Variants in CFAP61 observed in about 807,000 individuals in gnomAD.
CFAP61 encodes cilia- and flagella-associated protein 61.
In CFAP61, 107 loss-of-function variants were observed where a neutral mutation model predicts 135.6. The observed-to-expected ratio is 0.79, with a 90% confidence interval of 0.67 to 0.93. The LOEUF (loss-of-function observed/expected upper bound fraction) is 0.93, where lower values mean the gene tolerates loss of function less well. Among genes scored for constraint, CFAP61 ranks in the 40% least tolerant of loss-of-function variants. CFAP61 has a pLI of 0.00. For synonymous variants in CFAP61, 575 were observed against 578.5 expected (o/e 0.99, Z 0.09); for missense variants, 1,507 against 1,556.2 (o/e 0.97, Z 0.53).
rs774778588 is a variant in CFAP61 at position 20,277,298 on chromosome 20, A to G, written c.2636A>G (p.Asn879Ser). 5 of 1,614,038 alleles carry G rather than the reference A, an allele frequency of 3.1e-6. No individual in the cohort carries two copies. The highest frequency in any genetic ancestry group is 4.2e-6 in the Non-Finnish European group (5 of 1,180,000). The stretch of plus-strand genomic sequence containing the variant: ...GCCTCCACCATCACCTGCATCAACA[A>G]CTACTCGGTGGAGAGCGCCGTGGCG... ...PPASTITCIN[N>S]YSVESAVADA... The change falls in exon 22 of 27, where the codon AAC (asparagine) becomes AGC (serine). Residue 879 changes from asparagine to serine, a missense_variant. By Grantham distance (46) the Asn-to-Ser change is conservative (BLOSUM62 1). Transcript: ENST00000245957.
In CFAP61 at chr20:20,090,935, A is replaced by G; in HGVS notation, c.658A>G (p.Ile220Val). ...CGGTGAATACTTCCTGGCCGAACTA[A>G]TAGAGGCCCAAGATGAAGAGAATCA... ...TYGEYFLAEL[I>V]EAQDEENHAV... The change falls in exon 7 of 27, where the codon ATA becomes GTA. Residue 220 changes from isoleucine (I) to valine (V), a missense_variant. Ile to Val is a conservative substitution (Grantham distance 29). Transcript: ENST00000245957. 3 of 1,614,170 alleles carry G rather than the reference A, an allele frequency of 1.9e-6. No individual in the cohort carries two copies. Among genetic ancestry groups the G allele is most frequent in the Non-Finnish European group, 1.7e-6 (2 of 1,180,008 alleles).
chr20:20,338,093 G>T (rs1170302799), intron 25 of CFAP61, among the ~76,000 whole-genome samples: 2 of 152,170 alleles, frequency 1.3e-5, no homozygotes, highest in Admixed American at 1.3e-4. Context: ...TGCCTTCTGT[G>T]TATTGAATGG....
rs552957257 is a variant in CFAP61 at position 20,056,548 on chromosome 20, A to G, written c.-36-70A>G. On this transcript the variant is annotated intron_variant, in intron 1 of 26. Coordinates refer to ENST00000245957, the MANE Select transcript of CFAP61 (RefSeq NM_015585.4). ...CTCACACCATGTTCACTCTGACCAC[A>G]TGGAAATTGAATTAGTGTTCAGTTT... 2.2e-5 allele frequency: 24 copies of G among 1,068,860 alleles called. No homozygotes were observed. In the South Asian group the frequency reaches 2.5e-4, roughly 11 times the overall value. The allele number at this position is 1,068,860 out of a possible 1,614,324, so 66.2% of individuals were successfully genotyped here.
At chr20:20,055,159 A>G (rs1405483452) in intron 1 of CFAP61, among the ~76,000 whole-genome samples, 1 of 152,196 alleles carries the variant, frequency 6.6e-6, no homozygotes, top group African/African-American at 2.4e-5. Flanking sequence ...TTTTTTAAAT[A>G]ATGACCTGTT....
intron 20 of CFAP61, among the ~76,000 whole-genome samples, chr20:20,254,913 C>T (rs12624806): frequency 0.16 from 24,581 of 152,168 alleles, 2,597 homozygotes; most frequent in East Asian, 0.55. Flanking sequence ...TACTACATTG[C>T]ACTGCACGGC....
intron 25 of CFAP61, among the ~76,000 whole-genome samples, chr20:20,309,879 C>T (rs928499400): frequency 2.6e-5 from 4 of 152,152 alleles, no homozygotes; most frequent in African/African-American, 9.7e-5. Context: ...TCAAAGCACA[C>T]GCATGGGTGC....
At chr20:20,290,477 C>A in intron 24 of CFAP61, 86 bp downstream of exon 24, 1 of 898,946 alleles carries the variant, frequency 1.1e-6, no homozygotes, top group Non-Finnish European at 1.8e-6. Flanking sequence ...GGAGTCTTTA[C>A]TGTAATGTGT....
chr20:20,143,120 T>C (rs1049238850), intron 9 of CFAP61, among the ~76,000 whole-genome samples, 172 bp downstream of exon 9: 4 of 152,202 alleles, frequency 2.6e-5, no homozygotes, highest in Non-Finnish European at 5.9e-5. Flanking sequence ...CAGAGGCCTC[T>C]GTGTTTGTAA....
At chr20:20,288,503 T>C in intron 22 of CFAP61, 106 bp from the exon 23 acceptor site, 1 of 850,232 alleles carries the variant, frequency 1.2e-6, no homozygotes, top group Non-Finnish European at 1.9e-6. Context: ...TTAGTATGTG[T>C]ATTTTTGTGC....
intron 25 of CFAP61, among the ~76,000 whole-genome samples, chr20:20,340,920 G>A (rs971256019): frequency 5.3e-5 from 8 of 152,134 alleles, no homozygotes; most frequent in South Asian, 2.1e-4. Context: ...GACTCTCGGC[G>A]TCGTATCTGT....
chr20:20,314,240 ATT>A (rs2056984162), intron 25 of CFAP61, among the ~76,000 whole-genome samples: 1 of 150,130 alleles, frequency 6.7e-6, no homozygotes, highest in African/African-American at 2.5e-5. Flanking sequence ...AAAAAAAAAA[ATT>A]AGCAGGGTGT....
chr20:20,209,439 G>T (rs1339084195), intron 17 of CFAP61, among the ~76,000 whole-genome samples: 1 of 152,138 alleles, frequency 6.6e-6, no homozygotes, highest in Non-Finnish European at 1.5e-5. Context: ...TGTGATTCCT[G>T]AATTGAAAAA....
At chr20:20,071,928 C>T (rs1180027517) in intron 3 of CFAP61, among the ~76,000 whole-genome samples, 2 of 151,868 alleles carry the variant, frequency 1.3e-5, no homozygotes, top group African/African-American at 4.8e-5. Flanking sequence ...ATGCTTGCAC[C>T]TTTGGTTGAG....
chr20:20,350,474 C>T (rs1021717569), intron 26 of CFAP61, among the ~76,000 whole-genome samples: 2 of 152,198 alleles, frequency 1.3e-5, no homozygotes, highest in Non-Finnish European at 2.9e-5. Context: ...ACTAAAAATA[C>T]AAAAATTAGC....
chr20:20,086,528 T>G (rs535348395), intron 6 of CFAP61, among the ~76,000 whole-genome samples: 1 of 152,068 alleles, frequency 6.6e-6, no homozygotes, highest in South Asian at 2.1e-4. Context: ...GCCGGTTTCT[T>G]AGTCAGTAGA....
intron 9 of CFAP61, among the ~76,000 whole-genome samples, chr20:20,154,301 G>A (rs1263964460): frequency 1.3e-5 from 2 of 151,878 alleles, no homozygotes; most frequent in South Asian, 2.1e-4. Context: ...GGAACAAGAC[G>A]AGGATGCACA....
At chr20:20,229,689 T>C (rs905232886) in intron 18 of CFAP61, among the ~76,000 whole-genome samples, 1 of 152,182 alleles carries the variant, frequency 6.6e-6, no homozygotes, top group African/African-American at 2.4e-5. Context: ...ATTAACCAGA[T>C]AAAAAAAGAA....
Position 20,245,394 on chromosome 20 carries a change from T to C in CFAP61, c.2061-723T>C, listed in dbSNP as rs138262725. Among the ~76,000 whole-genome samples the C allele has an allele frequency of 2.6e-5, 4 of 152,290 alleles. No homozygotes were observed. The East Asian group carries it at 7.7e-4, about 29-fold the overall frequency. ...GCAAAGAGGAACAAGTCACGTCTTA[T>C]ATGGATGGCAGCAGGCAAAGAGAGA... On this transcript the variant is annotated intron_variant, in intron 18 of 26. Coordinates refer to ENST00000245957, the MANE Select transcript of CFAP61 (RefSeq NM_015585.4).
At position 20,142,890 on chromosome 20, in the gene CFAP61, A is replaced by C. The variant is rs1420432848; in HGVS notation, c.893A>C (p.Gln298Pro). 1 of 1,605,000 alleles carries C rather than the reference A, an allele frequency of 6.2e-7. No individual in the cohort carries two copies. Among genetic ancestry groups the C allele is most frequent in the Non-Finnish European group, 8.5e-7 (1 of 1,175,112 alleles). The change falls in exon 9 of 27, where the codon CAA becomes CCA. Residue 298 changes from glutamine (Q) to proline (P), a missense_variant. Coordinates refer to ENST00000245957, the MANE Select transcript of CFAP61 (RefSeq NM_015585.4). ...AELRSSSQGS[Q>P]KIVEELQEPV... ...CTCAGGAGTAGCAGCCAAGGTTCCC[A>C]AAAAATAGTCGAGGAGTTGCAGGAA...
Sources: gnomAD v4.1 joint callset for allele counts (sites outside exome capture counted in the v4.1 genomes callset) on GRCh38, gnomAD v4.1.1 for gene constraint, MANE v1.5 for transcripts, NCBI Gene and HGNC (gene_info 2026-07-23, HGNC 2026-07-21) for gene names.